Variants in ABCB7 observed in about 807,000 individuals in gnomAD.
The protein encoded by ABCB7 is iron-sulfur clusters transporter ABCB7, mitochondrial.
ABCB7 carries 7 observed loss-of-function variants against 54.4 expected under a neutral mutation model. The observed-to-expected ratio is 0.13, with a 90% CI of 0.07 to 0.24. The LOEUF (loss-of-function observed/expected upper bound fraction) is 0.24. Ranked by LOEUF, ABCB7 falls within the 10% of genes least tolerant of loss-of-function variation. The pLI is 1.00. For synonymous variants in ABCB7, 218 were observed against 207.1 expected (o/e 1.05, Z -0.45); for missense variants, 356 against 570.4 (o/e 0.62, Z 3.83).
At chrX:75,058,731 GAATTACATGGCATGAGGCAGGT>G (rs778724763) in intron 15 of ABCB7, among the ~76,000 whole-genome samples, 17 of 111,376 alleles carry the variant, frequency 1.5e-4, no homozygotes, top group South Asian at 7.7e-4. Flanking sequence ...TAGATACTGT[GAATTACATGGCATGAGGCAGGT>G]AATTACATGG....
intron 1 of ABCB7, among the ~76,000 whole-genome samples, chrX:75,150,738 G>A (rs973087432): frequency 2.7e-5 from 3 of 111,396 alleles, no homozygotes; most frequent in Non-Finnish European, 5.7e-5. Context: ...TACAATATGG[G>A]AAAGAACATA....
Position 75,070,395 on chromosome X carries a change from A to C in ABCB7, c.1335T>G (p.Phe445Leu). 1 of 1,210,574 alleles carries C rather than the reference A, an allele frequency of 8.3e-7. No individual in the cohort carries two copies. The highest frequency in any genetic ancestry group is 1.1e-6 in the Non-Finnish European group (1 of 894,582). Reference sequence around the variant, plus strand: ...TTTGGGTGTCTACCTTGAGTAGAGTAAACAAGGTGTTCATATCTATGAGTG... The same window carrying C: ...TTTGGGTGTCTACCTTGAGTAGAGTCAACAAGGTGTTCATATCTATGAGTG... ...RQALIDMNTL[F>L]TLLKVDTQIK... Residue 445 changes from phenylalanine (F) to leucine (L), a missense_variant, in exon 10 of 16, where the codon TTT becomes TTG. Transcript: ENST00000373394.
chrX:75,122,357 G>C (rs770620450), intron 1 of ABCB7, among the ~76,000 whole-genome samples: 5 of 109,062 alleles, frequency 4.6e-5, no homozygotes, highest in Admixed American at 9.7e-5. Context: ...CTAAAAAGGG[G>C]AGGTGTGAAT....
rs1222691046 is a variant in ABCB7 at position 75,069,278 on chromosome X, C to T, written c.1529+13G>A. The T allele has an allele frequency of 8.3e-7, 1 of 1,208,054 alleles. No individual in the cohort carries two copies. Among genetic ancestry groups the T allele is most frequent in the Non-Finnish European group, 1.1e-6 (1 of 893,662 alleles). ...CTATAATACAGAATTTTACAAATAA[C>T]TAAATTACCCACCCTGACCCACTAC... On this transcript the variant is annotated intron_variant, in intron 11 of 15. Coordinates refer to ENST00000373394, the MANE Select transcript of ABCB7 (RefSeq NM_001271696.3).
intron 3 of ABCB7, among the ~76,000 whole-genome samples, chrX:75,108,976 T>C (rs1185120564): frequency 1.8e-5 from 2 of 112,055 alleles, no homozygotes; most frequent in Non-Finnish European, 3.8e-5. Flanking sequence ...ATAAGCTTCA[T>C]GAGGCTGGAC....
chrX:75,081,023 C>T (rs1290152860), intron 4 of ABCB7, among the ~76,000 whole-genome samples: 3 of 111,534 alleles, frequency 2.7e-5, no homozygotes, highest in African/African-American at 6.5e-5. Flanking sequence ...AAGTAGGAAC[C>T]TGGATTCTCA....
intron 1 of ABCB7, among the ~76,000 whole-genome samples, chrX:75,147,429 T>C (rs1331880893): frequency 3.6e-5 from 4 of 111,706 alleles, no homozygotes; most frequent in Admixed American, 1.9e-4. Context: ...TAAATGCCTA[T>C]CAATGACAGA....
chrX:75,089,294 ATTTATC>A (rs1366298539), intron 4 of ABCB7, among the ~76,000 whole-genome samples: 1 of 111,979 alleles, frequency 8.9e-6, no homozygotes, highest in East Asian at 2.8e-4. Context: ...AAATAAAATA[ATTTATC>A]TTTATTCTTA....
intron 1 of ABCB7, among the ~76,000 whole-genome samples, chrX:75,147,055 C>CA (rs375741584): frequency 2.2e-3 from 224 of 100,646 alleles, no homozygotes; most frequent in South Asian, 0.017. Flanking sequence ...AACAAGCACA[C>CA]AAAAAAAAAA....
intron 3 of ABCB7, among the ~76,000 whole-genome samples, chrX:75,102,490 C>G (rs189668396): frequency 1.8e-5 from 2 of 111,744 alleles, no homozygotes; most frequent in Non-Finnish European, 1.9e-5. Context: ...CATGTCGCTG[C>G]AAATGACAGG....
intron 1 of ABCB7, among the ~76,000 whole-genome samples, chrX:75,154,290 C>T (rs2082156639): frequency 9.0e-6 from 1 of 111,447 alleles, no homozygotes; most frequent in Non-Finnish European, 1.9e-5. Flanking sequence ...ATTGCCATTG[C>T]CTCCTCTGAG....
intron 4 of ABCB7, among the ~76,000 whole-genome samples, chrX:75,088,586 T>C (rs2147489559): frequency 9.0e-6 from 1 of 111,331 alleles, no homozygotes; most frequent in East Asian, 2.8e-4. Flanking sequence ...TGAAGACGTA[T>C]GTCAGTGAAA....
intron 15 of ABCB7, among the ~76,000 whole-genome samples, chrX:75,058,349 G>A (rs1030948923): frequency 5.4e-5 from 6 of 110,770 alleles, no homozygotes; most frequent in African/African-American, 2.0e-4. Flanking sequence ...TTGTCCTTAC[G>A]GCTGTATACT....
Position 75,133,423 on chromosome X carries a change from A to T in ABCB7, c.169-18592T>A, listed in dbSNP as rs917547427. On this transcript the variant is annotated intron_variant, in intron 1 of 15. Coordinates refer to ENST00000373394, the MANE Select transcript of ABCB7 (RefSeq NM_001271696.3). ...ATATTTGAGGATACTGTATGCAAAA[A>T]TCTCCCCAACCTCACGAGAGGCTGA... Among the ~76,000 whole-genome samples, 2 of 111,981 alleles carry T rather than the reference A, an allele frequency of 1.8e-5. 1 individual carries two copies. Among genetic ancestry groups the T allele is most frequent in the South Asian group, 7.5e-4 (2 of 2,673 alleles).
chrX:75,099,217 A>G (rs1456441063), intron 3 of ABCB7, among the ~76,000 whole-genome samples, 156 bp from the exon 4 acceptor site: 2 of 112,178 alleles, frequency 1.8e-5, no homozygotes, highest in African/African-American at 6.5e-5. Context: ...CAAAATCAAA[A>G]TATTTTAGAG....
chrX:75,093,986 T>C (rs2081564991), intron 4 of ABCB7, among the ~76,000 whole-genome samples: 1 of 102,616 alleles, frequency 9.7e-6, no homozygotes, highest in Non-Finnish European at 1.9e-5. Context: ...TACAGCTTCA[T>C]TTGTCTCTCC....
intron 1 of ABCB7, among the ~76,000 whole-genome samples, chrX:75,144,338 T>G (rs1253694955): frequency 8.9e-6 from 1 of 111,958 alleles, no homozygotes; most frequent in East Asian, 2.8e-4. Context: ...ATGTGGCTAT[T>G]GAGCACTTGA....
intron 9 of ABCB7, 57 bp from the exon 10 acceptor site, chrX:75,070,579 T>C (rs1214046412): frequency 2.7e-5 from 30 of 1,097,578 alleles, no homozygotes; most frequent in Non-Finnish European, 3.7e-5. Flanking sequence ...ACTTTTCCAA[T>C]TTACGATAGG....
chrX:75,099,088 T>C (rs748512054), intron 3 of ABCB7, 27 bp from the exon 4 acceptor site: 55 of 1,191,115 alleles, frequency 4.6e-5, no homozygotes, highest in Non-Finnish European at 5.9e-5. Flanking sequence ...AACAAAGCAG[T>C]GAATAACATG....
Sources: allele counts gnomAD v4.1 joint callset (sites outside exome capture counted in the v4.1 genomes callset), GRCh38; gene constraint gnomAD v4.1.1; transcripts MANE v1.5; gene names NCBI Gene and HGNC (gene_info 2026-07-23, HGNC 2026-07-21).